Variants in SRSF10 observed in about 807,000 individuals in gnomAD.
The protein encoded by SRSF10 is serine/arginine-rich splicing factor 10.
In SRSF10, 9 loss-of-function variants were observed where a neutral mutation model predicts 32.6. The ratio of observed to expected loss-of-function variants is 0.28; its 90% CI spans 0.17 to 0.48. SRSF10 has a LOEUF of 0.48. Among genes scored for constraint, SRSF10 ranks in the 20% least tolerant of loss-of-function variants. The probability of loss-of-function intolerance (pLI) is 0.99; values close to 1 mark genes in which losing one functional copy is unlikely to be tolerated. For missense variants in SRSF10, 201 were observed against 331.8 expected (o/e 0.61, Z 3.06); for synonymous variants, 105 against 112.4 (o/e 0.93, Z 0.42).
At chr1:23,978,970 G>A (rs1421482377) in intron 1 of SRSF10, 153 bp from the exon 2 acceptor site, 4 of 424,336 alleles carry the variant, frequency 9.4e-6, no homozygotes, top group African/African-American at 6.1e-5. Context: ...CATATGTATG[G>A]TACAAGGGAA....
chr1:23,971,530 A>G (rs1641751526), intron 5 of SRSF10, 43 bp downstream of exon 5: 1 of 1,595,914 alleles, frequency 6.3e-7, no homozygotes, highest in Non-Finnish European at 8.5e-7. Context: ...TTCACTCTGA[A>G]ATTAAAAAAT....
chr1:23,971,796 A>G, intron 4 of SRSF10, 54 bp downstream of exon 4: 1 of 1,554,416 alleles, frequency 6.4e-7, no homozygotes, highest in Non-Finnish European at 8.7e-7. Context: ...AAAAAAATTA[A>G]ATGCTAACAA....
chr1:23,972,567 T>C (rs372988994), intron 3 of SRSF10, among the ~76,000 whole-genome samples: 153 of 151,030 alleles, frequency 1.0e-3, no homozygotes, highest in African/African-American at 3.6e-3. Context: ...CTCAGCCTCC[T>C]GAGGAGCTGA....
At chr1:23,975,141 G>C in intron 2 of SRSF10, 64 bp from the exon 3 acceptor site, 1 of 1,260,370 alleles carries the variant, frequency 7.9e-7, no homozygotes, top group Non-Finnish European at 1.2e-6. Flanking sequence ...AGTTCAGTTG[G>C]TATGTCTGGA....
In SRSF10 at chr1:23,978,826, T is replaced by C. The variant is rs1184386968; in HGVS notation, c.66-9A>G. The C allele has an allele frequency of 2.5e-6, 4 of 1,593,362 alleles. No homozygotes were observed. In the Admixed American group the frequency reaches 7.0e-5, roughly 28 times the overall value. Reference sequence around the variant, plus strand: ...GCCGCAAGTCTTCAGACCTAAAACATCATAAAAAGACCTCAAATTTTTATG... The same window carrying C: ...GCCGCAAGTCTTCAGACCTAAAACACCATAAAAAGACCTCAAATTTTTATG... On this transcript the variant is annotated splice_polypyrimidine_tract_variant and intron_variant, in intron 1 of 5. Transcript: ENST00000492112.
rs1004133593 is a variant in SRSF10, at chr1:23,978,612, T to C, written c.170+101A>G. On this transcript the variant is annotated intron_variant, in intron 2 of 5. Transcript: ENST00000492112. ...CAAAAATTTGAAGACAGACATTTATTAGAGGACAAAAAGAACTACTTTTTA... is the reference window on the plus strand; with the variant it reads ...CAAAAATTTGAAGACAGACATTTATCAGAGGACAAAAAGAACTACTTTTTA... 7.1e-5 allele frequency: 99 copies of C among 1,395,486 alleles called. No homozygotes were observed. In the African/African-American group the frequency reaches 1.3e-3, roughly 18 times the overall value. 86.4% of individuals were successfully genotyped at this position (1,395,486 alleles called of 1,614,324 possible). A position where few individuals can be genotyped will look rare whatever the true frequency, so the allele number is the denominator to read the frequency against.
intron 2 of SRSF10, chr1:23,978,199 A>G: frequency 1.0e-5 from 10 of 985,002 alleles, no homozygotes; most frequent in Non-Finnish European, 1.2e-5. Context: ...ACTTGCCTTA[A>G]GTGTTGAACT....
chr1:23,971,770 G>A, intron 4 of SRSF10, 80 bp downstream of exon 4: 2 of 1,500,674 alleles, frequency 1.3e-6, no homozygotes, highest in Non-Finnish European at 1.8e-6. Context: ...ATAATTAAAA[G>A]TATACAAAAT....
Position 23,969,993 on chromosome 1 carries a change from T to G in SRSF10, c.*1149A>C. 1 of 985,384 alleles carries G rather than the reference T, an allele frequency of 1.0e-6. No homozygotes were observed. The highest frequency in any genetic ancestry group is 4.7e-5 in the South Asian group (1 of 21,282). The allele number at this position is 985,384 out of a possible 1,614,324, so 61.0% of individuals were successfully genotyped here. ...GAGCCAAGTGCTGTAAGCATCAAAA[T>G]TTCAGTTCTTTTACACTAGGCACAC... On this transcript the variant is annotated 3_prime_UTR_variant, in exon 6 of 6. Coordinates refer to ENST00000492112, the MANE Select transcript of SRSF10 (RefSeq NM_054016.4).
rs1570767164 is a variant in SRSF10 at position 23,970,246 on chromosome 1, C to A, written c.*896G>T. Reference sequence around the variant, plus strand: ...AACCAGAAAAAAAGCAGTGAAGGCTCCATGTTTCAGTCAAAAACTCAATTT... The same window carrying A: ...AACCAGAAAAAAAGCAGTGAAGGCTACATGTTTCAGTCAAAAACTCAATTT... On this transcript the variant is annotated 3_prime_UTR_variant, in exon 6 of 6. Transcript: ENST00000492112. 1 of 985,368 alleles carries A rather than the reference C, an allele frequency of 1.0e-6. No homozygotes were observed. Among genetic ancestry groups the A allele is most frequent in the Non-Finnish European group, 1.2e-6 (1 of 829,918 alleles). The allele number at this position is 985,368 out of a possible 1,614,324, so 61.0% of individuals were successfully genotyped here.
intron 3 of SRSF10, 47 bp from the exon 4 acceptor site, chr1:23,972,059 A>G: frequency 7.1e-7 from 1 of 1,413,726 alleles, no homozygotes; most frequent in South Asian, 1.7e-5. Flanking sequence ...TAAAAACAGT[A>G]TTAAAGCCCT....
chr1:23,971,093 T>A lies in SRSF10; in HGVS notation c.*49A>T, dbSNP rs1201558120. ...TCCTGATAATTTAAGTAAACCAAAC[T>A]ATGAGTAAATGAATGATACATGCCT... On this transcript the variant is annotated 3_prime_UTR_variant, in exon 6 of 6. Coordinates refer to ENST00000492112, the MANE Select transcript of SRSF10 (RefSeq NM_054016.4). The A allele has an allele frequency of 9.3e-5, 143 of 1,533,594 alleles. No homozygotes were observed. The East Asian group carries it at 3.0e-3, about 32-fold the overall frequency. The allele number at this position is 1,533,594 out of a possible 1,614,324, so 95.0% of individuals were successfully genotyped here.
chr1:23,973,383 G>A (rs1570776994), intron 3 of SRSF10, among the ~76,000 whole-genome samples: 1 of 152,178 alleles, frequency 6.6e-6, no homozygotes, highest in East Asian at 1.9e-4. Flanking sequence ...AGGCTGGAGT[G>A]CACTTGTGCA....
Position 23,971,447 on chromosome 1 carries a change from A to G in SRSF10, c.492-8T>C, listed in dbSNP as rs1013963588. The stretch of plus-strand genomic sequence containing the variant: ...CGATTTCGGTGTTTGAATCTTTCAA[A>G]ACAGAGGAGAGATATAATTAGAGTA... On this transcript the variant is annotated splice_polypyrimidine_tract_variant and splice_region_variant and intron_variant, in intron 5 of 5. Transcript: ENST00000492112. The G allele has an allele frequency of 5.1e-5, 81 of 1,603,624 alleles. No homozygotes were observed. The highest frequency in any genetic ancestry group is 6.8e-5 in the Non-Finnish European group (80 of 1,177,004).
intron 3 of SRSF10, among the ~76,000 whole-genome samples, chr1:23,973,457 C>G (rs1641893893): frequency 6.6e-6 from 1 of 152,158 alleles, no homozygotes; most frequent in Admixed American, 6.5e-5. Context: ...GCGGGGACCA[C>G]AGGTGTGCAC....
intron 2 of SRSF10, chr1:23,975,362 T>G: frequency 3.4e-6 from 1 of 297,442 alleles, no homozygotes. Flanking sequence ...AGTTGTCCTA[T>G]CCAAAAATTT....
At position 23,969,024 on chromosome 1, in the gene SRSF10, T is replaced by C; in HGVS notation, c.*2118A>G. 1 of 758,476 alleles carries C rather than the reference T, an allele frequency of 1.3e-6. No homozygotes were observed. The highest frequency in any genetic ancestry group is 1.6e-6 in the Non-Finnish European group (1 of 622,680). The allele number at this position is 758,476 out of a possible 1,614,324, so 47.0% of individuals were successfully genotyped here. A position where few individuals can be genotyped will look rare whatever the true frequency, so the allele number is the denominator to read the frequency against. On this transcript the variant is annotated 3_prime_UTR_variant, in exon 6 of 6. Coordinates refer to ENST00000492112, the MANE Select transcript of SRSF10 (RefSeq NM_054016.4). ...TATTCCTAAATCTATAAAGGACTGT[T>C]TCCATTGTTATTTTAGAATCATATT... is the stretch of plus-strand genomic sequence containing the variant.
intron 1 of SRSF10, among the ~76,000 whole-genome samples, chr1:23,979,887 G>C (rs1178814519): frequency 6.6e-6 from 1 of 151,966 alleles, no homozygotes; most frequent in Non-Finnish European, 1.5e-5. Context: ...CCGTCGGGTC[G>C]CGGAAAGGCC....
rs1218492431 is a variant in SRSF10 at position 23,971,148 on chromosome 1, G to A, written c.783C>T (p.Gly261=). ...ATGACCATGGTTTATACTATCAGTG[G>A]CCACTGGACTTAGGACTAGTCCAAG... ...SRSWTSPKSS[G]H The change falls in exon 6 of 6, where the codon GGC becomes GGT. Residue 261 remains glycine, a synonymous_variant. Coordinates refer to ENST00000492112, the MANE Select transcript of SRSF10 (RefSeq NM_054016.4). The A allele has an allele frequency of 6.2e-7, 1 of 1,603,824 alleles. No individual in the cohort carries two copies. The highest frequency in any genetic ancestry group is 8.5e-7 in the Non-Finnish European group (1 of 1,176,552).
Sources: allele counts gnomAD v4.1 joint callset (sites outside exome capture counted in the v4.1 genomes callset), GRCh38; gene constraint gnomAD v4.1.1; transcripts MANE v1.5; gene names NCBI Gene and HGNC (gene_info 2026-07-23, HGNC 2026-07-21).